DPP6: variants seen among roughly 807,000 people sequenced by gnomAD.
DPP6 encodes A-type potassium channel modulatory protein DPP6.
DPP6 carries 69 observed loss-of-function variants against 122.6 expected under a neutral mutation model. The ratio of observed to expected loss-of-function variants is 0.56; its 90% CI spans 0.46 to 0.69. The LOEUF (loss-of-function observed/expected upper bound fraction) is 0.69. Ranked by LOEUF, DPP6 falls within the 30% of genes least tolerant of loss-of-function variation. The pLI is 0.00. For missense variants in DPP6, 928 were observed against 1,116.9 expected (o/e 0.83, Z 2.41); for synonymous variants, 418 against 433.1 (o/e 0.97, Z 0.43).
rs541294621 is a variant in DPP6, at chr7:154,094,313, G to C, written c.243+41250G>C. 3 of 152,424 alleles carry C rather than the reference G, an allele frequency of 2.0e-5. No individual in the cohort carries two copies. In the South Asian group the frequency reaches 6.2e-4, roughly 32 times the overall value. 9.4% of individuals were successfully genotyped at this position (152,424 alleles called of 1,614,324 possible). On this transcript the variant is annotated intron_variant, in intron 1 of 25. Coordinates refer to ENST00000377770, the MANE Select transcript of DPP6 (RefSeq NM_130797.4). ...GCTCTGTCGGATTGTTCAAGGGAAAGTTAGCACTGTTGCATGCAGGCAGTT... is the reference window on the plus strand; with the variant it reads ...GCTCTGTCGGATTGTTCAAGGGAAACTTAGCACTGTTGCATGCAGGCAGTT...
chr7:154,756,067 A>C (rs1843649517), intron 8 of DPP6, among the ~76,000 whole-genome samples: 1 of 152,254 alleles, frequency 6.6e-6, no homozygotes, highest in Admixed American at 6.5e-5. Flanking sequence ...CTGGCAGGAC[A>C]GCGGTCATCT....
chr7:154,080,860 G>C (rs1803945915), intron 1 of DPP6, among the ~76,000 whole-genome samples: 2 of 152,122 alleles, frequency 1.3e-5, no homozygotes, highest in Admixed American at 1.3e-4. Flanking sequence ...TGGAACCTGG[G>C]ATTGGCCATC....
the DPP6 span, among the ~76,000 whole-genome samples, chr7:153,749,091 C>G: frequency 6.6e-6 from 1 of 152,034 alleles, no homozygotes; most frequent in Non-Finnish European, 1.5e-5. The surrounding 1 kb of genome is among the most constrained non-coding windows in gnomAD (Gnocchi z 4.1). Context: ...GTGGAGACTC[C>G]GGCAGGTTTG....
At chr7:154,389,268 G>GT (rs904828443) in intron 1 of DPP6, among the ~76,000 whole-genome samples, 2 of 152,154 alleles carry the variant, frequency 1.3e-5, no homozygotes, top group African/African-American at 4.8e-5. Context: ...GTGTGGCCCA[G>GT]GAACCTCACA....
chr7:153,949,013 G>A (rs769518100), intron 1 of DPP6, among the ~76,000 whole-genome samples: 6 of 152,114 alleles, frequency 3.9e-5, no homozygotes, highest in Non-Finnish European at 7.3e-5. Context: ...AAGCAAAATG[G>A]ATATATATAA....
rs545907254 is a variant in DPP6 at position 154,819,523 on chromosome 7, C to T, written c.1666+12411C>T. Among the ~76,000 whole-genome samples, 3 of 152,244 alleles carry T rather than the reference C, an allele frequency of 2.0e-5. No homozygotes were observed. The South Asian group carries it at 6.2e-4, about 32-fold the overall frequency. ...TGCCCCAGCTCTGGGTAATAAAAGCCATTTTGTTACTGGTCAGTTTTCCTG... is the reference window on the plus strand; with the variant it reads ...TGCCCCAGCTCTGGGTAATAAAAGCTATTTTGTTACTGGTCAGTTTTCCTG... On this transcript the variant is annotated intron_variant, in intron 16 of 25. Transcript: ENST00000377770.
At chr7:154,231,153 C>A (rs997283846) in intron 1 of DPP6, among the ~76,000 whole-genome samples, 3 of 152,202 alleles carry the variant, frequency 2.0e-5, no homozygotes, top group Admixed American at 2.0e-4. Flanking sequence ...TTGACAGGGT[C>A]CTCTTTACTC....
chr7:154,787,364 G>T (rs1470433150), intron 10 of DPP6, among the ~76,000 whole-genome samples: 1 of 151,938 alleles, frequency 6.6e-6, no homozygotes, highest in Non-Finnish European at 1.5e-5. Flanking sequence ...ACCATCGATT[G>T]TGGAAGTCTT....
Position 154,389,030 on chromosome 7 carries a change from T to C in DPP6, c.244-57184T>C, listed in dbSNP as rs145867714. ...TTCGAGCAGTAGACCTGCTGTAGTT[T>C]AAGCTGGTTGGGAAAGCTGTCGTTC... is the stretch of plus-strand genomic sequence containing the variant. On this transcript the variant is annotated intron_variant, in intron 1 of 25. Transcript: ENST00000377770. 9.9e-4 allele frequency among the ~76,000 whole-genome samples: 151 copies of C among 152,282 alleles called. No individual in the cohort carries two copies. In the East Asian group the frequency reaches 0.015, roughly 15 times the overall value.
Position 154,090,372 on chromosome 7 carries a change from T to C in DPP6, c.243+37309T>C, listed in dbSNP as rs530886958. ...CACAAACAAAGGTTCAGGTTCTGTG[T>C]AGCTTAGGATCCGGTTGCTAATTGG... On this transcript the variant is annotated intron_variant, in intron 1 of 25. Transcript: ENST00000377770. 5.1e-4 allele frequency among the ~76,000 whole-genome samples: 77 copies of C among 152,316 alleles called. No individual in the cohort carries two copies. In the Middle Eastern group the frequency reaches 0.01, roughly 20 times the overall value.
intron 7 of DPP6, among the ~76,000 whole-genome samples, chr7:154,722,054 C>T (rs1348798016): frequency 6.6e-6 from 1 of 151,530 alleles, no homozygotes; most frequent in Non-Finnish European, 1.5e-5. Flanking sequence ...AGATGCCTGG[C>T]CGTGGTGGTG....
intron 1 of DPP6, among the ~76,000 whole-genome samples, chr7:154,067,626 T>C (rs1300446472): frequency 2.0e-5 from 3 of 152,134 alleles, no homozygotes; most frequent in African/African-American, 4.8e-5. Flanking sequence ...TTTAAGGTCA[T>C]GGGGAGTCAT....
chr7:154,807,041 T>C lies in DPP6; in HGVS notation c.1595T>C (p.Leu532Pro). 1 of 1,613,922 alleles carries C rather than the reference T, an allele frequency of 6.2e-7. No homozygotes were observed. The highest frequency in any genetic ancestry group is 8.5e-7 in the Non-Finnish European group (1 of 1,179,862). Residue 532 changes from leucine to proline, a missense_variant, in exon 16 of 26, where the codon CTG becomes CCG. Coordinates refer to ENST00000377770, the MANE Select transcript of DPP6 (RefSeq NM_130797.4). ...AACAGGCAGTGCCTCTCCTGTGACC[T>C]GGTTGAGAACTGCACCTACTTCAGC... ...NFNRQCLSCD[L>P]VENCTYFSAS...
intron 1 of DPP6, among the ~76,000 whole-genome samples, chr7:154,333,204 G>A (rs1417115507): frequency 2.0e-5 from 3 of 152,096 alleles, no homozygotes; most frequent in Non-Finnish European, 4.4e-5. Flanking sequence ...CCAGTTTGGA[G>A]AGATATGACA....
intron 3 of DPP6, among the ~76,000 whole-genome samples, chr7:154,529,515 G>C (rs1404071751): frequency 6.6e-6 from 1 of 152,110 alleles, no homozygotes; most frequent in Non-Finnish European, 1.5e-5. Context: ...AATTACTTAA[G>C]ATACAAATAA....
intron 1 of DPP6, among the ~76,000 whole-genome samples, chr7:154,127,652 G>GACACACACACACACACAGAC (rs1808026200): frequency 7.6e-5 from 6 of 79,176 alleles, no homozygotes; most frequent in African/African-American, 2.0e-4. Context: ...CACACACACA[G>GACACACACACACACACAGAC]ACACACACAC....
At chr7:153,858,621 C>G in the DPP6 span, among the ~76,000 whole-genome samples, 288 of 152,292 alleles carry the variant, frequency 1.9e-3, no homozygotes, top group African/African-American at 6.4e-3. Context: ...AGCTGATTCA[C>G]AAGTATGTTT....
chr7:154,745,123 C>T (rs750482272), intron 8 of DPP6, among the ~76,000 whole-genome samples: 5 of 152,184 alleles, frequency 3.3e-5, no homozygotes, highest in Non-Finnish European at 7.3e-5. Context: ...TCTGCCAGGT[C>T]CAGCAGTGTA....
At chr7:154,879,532 A>G (rs1411520635) in intron 20 of DPP6, among the ~76,000 whole-genome samples, 3 of 134,710 alleles carry the variant, frequency 2.2e-5, no homozygotes, top group South Asian at 2.5e-4. Context: ...CGGAGCCTGC[A>G]GTGAGCCGAG....
Sources: gnomAD v4.1 joint callset for allele counts (sites outside exome capture counted in the v4.1 genomes callset) on GRCh38, gnomAD v4.1.1 for gene constraint, Gnocchi (gnomAD v3.1) non-coding constraint, MANE v1.5 for transcripts, NCBI Gene and HGNC (gene_info 2026-07-23, HGNC 2026-07-21) for gene names.